The following ATP10D variants were observed in gnomAD, a reference collection of about 807,000 sequenced individuals.
ATP10D encodes the protein ATPase phospholipid transporting 10D (putative), also known as phospholipid-transporting ATPase VD.
A neutral mutation model predicts 144.8 loss-of-function variants in ATP10D; 89 were observed. The ratio of observed to expected loss-of-function variants is 0.61; its 90% CI spans 0.52 to 0.73. The LOEUF (loss-of-function observed/expected upper bound fraction) is 0.73, where lower values mean the gene tolerates loss of function less well. ATP10D is among the 30% of genes least tolerant of loss of function. ATP10D has a pLI of 0.00. For synonymous variants in ATP10D, 571 were observed against 615.1 expected (o/e 0.93, Z 1.06); for missense variants, 1,603 against 1,714.8 (o/e 0.93, Z 1.15).
At chr4:47,543,465 A>G (rs898220845) in intron 9 of ATP10D, among the ~76,000 whole-genome samples, 1 of 152,210 alleles carries the variant, frequency 6.6e-6, no homozygotes, top group Non-Finnish European at 1.5e-5. Context: ...TAAGATGTTT[A>G]GAAGTATCCT....
intron 19 of ATP10D, 143 bp from the exon 20 acceptor site, chr4:47,580,255 T>C: frequency 1.4e-6 from 1 of 712,318 alleles, no homozygotes; most frequent in Non-Finnish European, 2.5e-6. Context: ...TCAGTTACCC[T>C]TATCTTTACC....
intron 1 of ATP10D, among the ~76,000 whole-genome samples, chr4:47,491,963 A>G (rs549184330): frequency 6.6e-6 from 1 of 152,240 alleles, no homozygotes; most frequent in Non-Finnish European, 1.5e-5. Flanking sequence ...TTCATTCCCA[A>G]AGCACTCAGC....
chr4:47,498,980 G>T (rs1277320042), intron 1 of ATP10D, among the ~76,000 whole-genome samples: 1 of 152,174 alleles, frequency 6.6e-6, no homozygotes, highest in African/African-American at 2.4e-5. Context: ...TCTTCTGCCA[G>T]TTCAAATATA....
At chr4:47,565,872 A>G (rs1441296678) in intron 15 of ATP10D, among the ~76,000 whole-genome samples, 2 of 152,222 alleles carry the variant, frequency 1.3e-5, no homozygotes, top group African/African-American at 4.8e-5. Flanking sequence ...CTGAGTACCT[A>G]TAATTTTTTT....
chr4:47,568,746 C>G (rs1168726790), intron 15 of ATP10D, 91 bp from the exon 16 acceptor site: 20 of 1,099,112 alleles, frequency 1.8e-5, no homozygotes, highest in Non-Finnish European at 2.7e-5. Context: ...TTTCTTGATT[C>G]AGCAATTGCT....
intron 13 of ATP10D, 49 bp from the exon 14 acceptor site, chr4:47,560,900 A>G: frequency 6.2e-7 from 1 of 1,610,822 alleles, no homozygotes; most frequent in Non-Finnish European, 8.5e-7. Flanking sequence ...TGGTATTCCC[A>G]CAAGATCATA....
At chr4:47,487,028 C>T (rs1310962790) in intron 1 of ATP10D, among the ~76,000 whole-genome samples, 3 of 151,966 alleles carry the variant, frequency 2.0e-5, no homozygotes, top group African/African-American at 7.2e-5. Flanking sequence ...GTCAGGAGTT[C>T]GAGACCAGCC....
Position 47,528,528 on chromosome 4 carries a change from T to TAC in ATP10D, c.776+2891_776+2892dup, listed in dbSNP as rs370365803. ...GTGTGTGTGTGTATATATATATATA[T>TAC]ACACACCACATTGTCTTTAATCATC... On this transcript the variant is annotated intron_variant, in intron 5 of 22. Transcript: ENST00000273859. 9.1e-3 allele frequency among the ~76,000 whole-genome samples: 1,320 copies of TAC among 145,240 alleles called. 28 individuals carry two copies. Among genetic ancestry groups the TAC allele is most frequent in the African/African-American group, 0.031 (1,183 of 38,380 alleles).
intron 1 of ATP10D, among the ~76,000 whole-genome samples, chr4:47,492,765 G>A (rs1220383329): frequency 6.6e-6 from 1 of 152,034 alleles, no homozygotes; most frequent in African/African-American, 2.4e-5. Flanking sequence ...TCATCTATCA[G>A]ACTGAATTTT....
At position 47,535,529 on chromosome 4, in the gene ATP10D, G is replaced by T. The variant is rs146578598; in HGVS notation, c.797G>T (p.Arg266Leu). 6.2e-7 allele frequency: 1 copy of T among 1,612,052 alleles called. No homozygotes were observed. The highest frequency in any genetic ancestry group is 1.3e-5 in the African/African-American group (1 of 74,882). The change falls in exon 6 of 23, where the codon CGC becomes CTC. Residue 266 changes from arginine (R) to leucine (L), a missense_variant. Transcript: ENST00000273859. ...RGFLEHSNKE[R>L]VGLSKENLLL... ...TATAGAGAACATTCCAACAAAGAAC[G>T]CGTGGGTCTCAGTAAAGAAAATTTG...
intron 9 of ATP10D, among the ~76,000 whole-genome samples, chr4:47,537,209 A>G (rs1717902820): frequency 6.6e-6 from 1 of 152,168 alleles, no homozygotes; most frequent in South Asian, 2.1e-4. Flanking sequence ...ATGATACTGT[A>G]CTATAAATAC....
At chr4:47,568,100 A>G (rs1719737134) in intron 15 of ATP10D, among the ~76,000 whole-genome samples, 1 of 152,214 alleles carries the variant, frequency 6.6e-6, no homozygotes, top group Non-Finnish European at 1.5e-5. Flanking sequence ...AGCCTCATGA[A>G]GACTTCAAAA....
At chr4:47,488,138 C>T (rs1359567200) in intron 1 of ATP10D, among the ~76,000 whole-genome samples, 2 of 151,944 alleles carry the variant, frequency 1.3e-5, no homozygotes, top group Admixed American at 6.6e-5. Flanking sequence ...GCCCCAATAA[C>T]AAAATATTTA....
At chr4:47,568,510 C>T (rs769865110) in intron 15 of ATP10D, among the ~76,000 whole-genome samples, 1 of 152,014 alleles carries the variant, frequency 6.6e-6, no homozygotes, top group Non-Finnish European at 1.5e-5. Flanking sequence ...CATAGTTTGC[C>T]CAAGGTCAAG....
At chr4:47,578,759 C>T (rs763534190) in intron 19 of ATP10D, among the ~76,000 whole-genome samples, 3 of 151,972 alleles carry the variant, frequency 2.0e-5, no homozygotes, top group Non-Finnish European at 2.9e-5. Flanking sequence ...CCTTCATATC[C>T]AATGAGGAAA....
chr4:47,585,831 CT>C (rs971140716), intron 21 of ATP10D, among the ~76,000 whole-genome samples: 3 of 152,102 alleles, frequency 2.0e-5, no homozygotes, highest in South Asian at 2.1e-4. Context: ...GAATCTCATT[CT>C]TTTTTTGTGG....
chr4:47,497,899 A>T (rs1024685425), intron 1 of ATP10D, among the ~76,000 whole-genome samples: 2 of 152,144 alleles, frequency 1.3e-5, no homozygotes, highest in South Asian at 2.1e-4. Flanking sequence ...TAACATTCTG[A>T]GTTTTTTGTT....
intron 1 of ATP10D, among the ~76,000 whole-genome samples, chr4:47,507,010 T>C (rs1296636262): frequency 6.6e-6 from 1 of 152,204 alleles, no homozygotes; most frequent in African/African-American, 2.4e-5. Context: ...CTCAGTTAGT[T>C]AGTTGCCTAG....
intron 1 of ATP10D, among the ~76,000 whole-genome samples, chr4:47,496,662 A>G (rs2109385781): frequency 6.6e-6 from 1 of 152,312 alleles, no homozygotes; most frequent in East Asian, 1.9e-4. Flanking sequence ...AGTCAAAAAA[A>G]TGCTAACTCT....
Sources: allele counts gnomAD v4.1 joint callset (sites outside exome capture counted in the v4.1 genomes callset), GRCh38; gene constraint gnomAD v4.1.1; transcripts MANE v1.5; gene names NCBI Gene and HGNC (gene_info 2026-07-23, HGNC 2026-07-21).